Variants in KIAA1217 observed in about 807,000 individuals in gnomAD.
KIAA1217 encodes KIAA1217, also known as sickle tail protein homolog.
A neutral mutation model predicts 163.9 loss-of-function variants in KIAA1217; 88 were observed. The observed-to-expected ratio is 0.54, with a 90% CI of 0.45 to 0.64. The LOEUF is 0.64. KIAA1217 is among the 30% of genes least tolerant of loss of function. The pLI, the probability that KIAA1217 is intolerant of heterozygous loss-of-function variation, is 0.00. For missense variants in KIAA1217, 2,372 were observed against 2,475.0 expected (o/e 0.96, Z 0.88); for synonymous variants, 903 against 923.1 (o/e 0.98, Z 0.39).
chr10:24,090,332 CTTTTTT>C (rs35966270), intron 2 of KIAA1217, among the ~76,000 whole-genome samples: 11 of 58,936 alleles, frequency 1.9e-4, no homozygotes, highest in African/African-American at 9.4e-4. Flanking sequence ...ACATCCTGCT[CTTTTTT>C]TTTTTTTTTT....
At chr10:23,918,228 A>G (rs34912796) in intron 1 of KIAA1217, among the ~76,000 whole-genome samples, 4 of 150,090 alleles carry the variant, frequency 2.7e-5, no homozygotes, top group African/African-American at 9.9e-5. Context: ...TGACCTCAAT[A>G]AAGTGATCTT....
chr10:24,500,791 A>G (rs1298117666), intron 8 of KIAA1217, among the ~76,000 whole-genome samples: 1 of 152,206 alleles, frequency 6.6e-6, no homozygotes, highest in East Asian at 1.9e-4. Context: ...TTTTAGAAAT[A>G]CAAAAAATTG....
intron 1 of KIAA1217, among the ~76,000 whole-genome samples, chr10:23,919,340 T>C (rs1033264496): frequency 2.6e-5 from 4 of 151,772 alleles, no homozygotes; most frequent in African/African-American, 9.7e-5. Flanking sequence ...GTGCAGTGGG[T>C]CACCCCTGTA....
At chr10:23,924,617 A>T (rs955637985) in intron 1 of KIAA1217, among the ~76,000 whole-genome samples, 5 of 152,184 alleles carry the variant, frequency 3.3e-5, no homozygotes, top group Admixed American at 6.5e-5. Flanking sequence ...AGACAGTAGG[A>T]CCATAGCGAG....
chr10:23,775,732 T>C (rs896002213), intron 1 of KIAA1217, among the ~76,000 whole-genome samples: 3 of 152,220 alleles, frequency 2.0e-5, no homozygotes, highest in Non-Finnish European at 4.4e-5. Context: ...TCACATAACA[T>C]GAGGCTTCTG....
intron 1 of KIAA1217, among the ~76,000 whole-genome samples, chr10:23,957,227 C>T (rs1844607461): frequency 6.6e-6 from 1 of 152,130 alleles, no homozygotes; most frequent in South Asian, 2.1e-4. Flanking sequence ...TGGCCAGTAT[C>T]CCCACATATG....
chr10:23,734,752 T>C (rs11013680), intron 1 of KIAA1217, among the ~76,000 whole-genome samples: 33,222 of 152,100 alleles, frequency 0.22, 3,872 homozygotes, highest in Middle Eastern at 0.29. Flanking sequence ...TGCATTTAGA[T>C]ATGGCTTATT....
intron 2 of KIAA1217, among the ~76,000 whole-genome samples, chr10:24,188,933 G>A (rs982802770): frequency 1.3e-5 from 2 of 151,902 alleles, no homozygotes; most frequent in South Asian, 2.1e-4. Context: ...GTGAAACCCC[G>A]TCTCTATTAA....
intron 1 of KIAA1217, among the ~76,000 whole-genome samples, chr10:23,910,955 C>T (rs1047939722): frequency 6.6e-6 from 1 of 152,130 alleles, no homozygotes; most frequent in Non-Finnish European, 1.5e-5. Flanking sequence ...AATGGCCATA[C>T]CCTGGAATTG....
chr10:24,182,438 T>TCACACACACACACACACACACACA (rs3222547), intron 2 of KIAA1217, among the ~76,000 whole-genome samples: 11 of 144,864 alleles, frequency 7.6e-5, no homozygotes, highest in Admixed American at 1.4e-4. Flanking sequence ...CAAGACTCCA[T>TCACACACACACACACACACACACA]CACACACACA....
chr10:23,908,156 C>T (rs998323139), intron 1 of KIAA1217, among the ~76,000 whole-genome samples: 5 of 152,024 alleles, frequency 3.3e-5, no homozygotes, highest in Non-Finnish European at 7.4e-5. Flanking sequence ...TTACAAGAGC[C>T]CGTGCAGCTA....
At chr10:24,512,873 G>C (rs2069416385) in intron 9 of KIAA1217, among the ~76,000 whole-genome samples, 1 of 152,188 alleles carries the variant, frequency 6.6e-6, no homozygotes, top group African/African-American at 2.4e-5. Flanking sequence ...TCTAAATAAT[G>C]GGCCCAAAGT....
intron 1 of KIAA1217, among the ~76,000 whole-genome samples, chr10:23,938,127 G>C (rs1843610596): frequency 6.6e-6 from 1 of 152,148 alleles, no homozygotes; most frequent in South Asian, 2.1e-4. Context: ...AACTTCTTAA[G>C]GTTGGAGAAT....
At chr10:23,739,900 A>G (rs1839013513) in intron 1 of KIAA1217, among the ~76,000 whole-genome samples, 2 of 152,218 alleles carry the variant, frequency 1.3e-5, no homozygotes, top group South Asian at 2.1e-4. Flanking sequence ...TGATTGGCTG[A>G]AAACATTAGA....
chr10:23,735,203 A>G (rs190888208), intron 1 of KIAA1217, among the ~76,000 whole-genome samples: 50 of 152,246 alleles, frequency 3.3e-4, no homozygotes, highest in African/African-American at 1.1e-3. Context: ...CAGAGCTTCA[A>G]TTTAAAAGTA....
chr10:24,017,485 A>T (rs1322394405), intron 2 of KIAA1217, among the ~76,000 whole-genome samples: 1 of 152,078 alleles, frequency 6.6e-6, no homozygotes, highest in Non-Finnish European at 1.5e-5. Flanking sequence ...TTAAGATGTA[A>T]TATTTTTATT....
chr10:24,348,553 T>C (rs1230619727), intron 2 of KIAA1217, among the ~76,000 whole-genome samples: 1 of 152,222 alleles, frequency 6.6e-6, no homozygotes, highest in Non-Finnish European at 1.5e-5. Flanking sequence ...AATTACTTTG[T>C]GATTTTGATA....
At chr10:24,328,145 G>A (rs562342156) in intron 2 of KIAA1217, among the ~76,000 whole-genome samples, 214 of 152,212 alleles carry the variant, frequency 1.4e-3, no homozygotes, top group Admixed American at 2.2e-3. Context: ...AAGTATTGCC[G>A]GGGAAGAAAG....
At chr10:23,703,075 C>T (rs1280635338) in intron 1 of KIAA1217, among the ~76,000 whole-genome samples, 2 of 152,040 alleles carry the variant, frequency 1.3e-5, no homozygotes, top group African/African-American at 4.8e-5. Flanking sequence ...CCCCTAGTGG[C>T]GATTAGAACA....
Sources: allele counts gnomAD v4.1 joint callset (sites outside exome capture counted in the v4.1 genomes callset), GRCh38; gene constraint gnomAD v4.1.1; transcripts MANE v1.5; gene names NCBI Gene and HGNC (gene_info 2026-07-23, HGNC 2026-07-21).